GMCL1: variants seen among roughly 807,000 people sequenced by gnomAD.
GMCL1 encodes germ cell-less protein-like 1.
GMCL1 carries 54 observed loss-of-function variants against 75.5 expected under a neutral mutation model. That is an observed-to-expected ratio of 0.71 (90% CI 0.57 to 0.90). GMCL1 has a LOEUF of 0.90. GMCL1 is among the 40% of genes least tolerant of loss of function. GMCL1 has a pLI of 0.00. For missense variants in GMCL1, 537 were observed against 622.7 expected (o/e 0.86, Z 1.47); for synonymous variants, 210 against 209.6 (o/e 1.00, Z -0.02).
At chr2:69,844,276 T>C in intron 6 of GMCL1, 80 bp downstream of exon 6, 3 of 771,190 alleles carry the variant, frequency 3.9e-6, no homozygotes, top group Admixed American at 5.3e-5. Context: ...AACATTTTTG[T>C]AGAACACAAA....
chr2:69,874,698 G>T (rs965763505), intron 13 of GMCL1, among the ~76,000 whole-genome samples: 1 of 148,944 alleles, frequency 6.7e-6, no homozygotes, highest in Admixed American at 6.7e-5. Context: ...ATTTTTAACA[G>T]CTTTTATATA....
intron 13 of GMCL1, among the ~76,000 whole-genome samples, chr2:69,872,630 C>CAA (rs1676014616): frequency 6.6e-6 from 1 of 152,168 alleles, no homozygotes; most frequent in African/African-American, 2.4e-5. Flanking sequence ...CTTCTTTTAA[C>CAA]AGCATTCTTA....
chr2:69,837,525 A>G, intron 1 of GMCL1, 22 bp from the exon 2 acceptor site: 1 of 1,450,820 alleles, frequency 6.9e-7, no homozygotes. Flanking sequence ...TAAATATGTG[A>G]CTTTTTCATT....
rs183681949 is a variant in GMCL1 at position 69,842,144 on chromosome 2, A to G, written c.580-1005A>G. Among the ~76,000 whole-genome samples the G allele has an allele frequency of 1.0e-3, 159 of 152,336 alleles. 1 individual carries two copies. The East Asian group carries it at 0.02, about 19-fold the overall frequency. Reference sequence around the variant, plus strand: ...TTGTTGCATTCGTCCAAGGGAGGAAAGTAGGGTAGTAGCAATAAGCTTGGA... The same window carrying G: ...TTGTTGCATTCGTCCAAGGGAGGAAGGTAGGGTAGTAGCAATAAGCTTGGA... On this transcript the variant is annotated intron_variant, in intron 4 of 13. Coordinates refer to ENST00000282570, the MANE Select transcript of GMCL1 (RefSeq NM_178439.5).
intron 13 of GMCL1, among the ~76,000 whole-genome samples, chr2:69,875,022 G>A (rs1676088215): frequency 6.6e-6 from 1 of 152,104 alleles, no homozygotes; most frequent in Non-Finnish European, 1.5e-5. Context: ...TGGGATTACA[G>A]GCATGAGCCA....
chr2:69,868,431 C>T lies in GMCL1; in HGVS notation c.1219-1288C>T, dbSNP rs1258110496. ...AAGCCCTAACTACTTCTCTGTATCACACTACCTTATCTGATACTCTCACAT... is the reference window on the plus strand; with the variant it reads ...AAGCCCTAACTACTTCTCTGTATCATACTACCTTATCTGATACTCTCACAT... On this transcript the variant is annotated intron_variant, in intron 11 of 13. Coordinates refer to ENST00000282570, the MANE Select transcript of GMCL1 (RefSeq NM_178439.5). Among the ~76,000 whole-genome samples the T allele has an allele frequency of 2.0e-5, 3 of 152,174 alleles. No homozygotes were observed. In the East Asian group the frequency reaches 5.8e-4, roughly 29 times the overall value.
rs925620183 is a variant in GMCL1, at chr2:69,856,653, T to G, written c.1072+1693T>G. Among the ~76,000 whole-genome samples, 958 of 146,118 alleles carry G rather than the reference T, an allele frequency of 6.6e-3. 12 individuals are homozygous for G. Among genetic ancestry groups the G allele is most frequent in the African/African-American group, 0.022 (857 of 39,740 alleles). ...ATCTCTTCCCTCCTTTTTTTTTTTT[T>G]TTTTTTTTTTTTTTTAACTTCCAGA... On this transcript the variant is annotated intron_variant, in intron 9 of 13. Transcript: ENST00000282570.
chr2:69,843,373 TA>T (rs755644336), intron 5 of GMCL1, 112 bp downstream of exon 5: 23 of 581,010 alleles, frequency 4.0e-5, no homozygotes, highest in East Asian at 3.0e-4. Flanking sequence ...AAAAATAGGA[TA>T]GGGGGATGGA....
intron 6 of GMCL1, 48 bp from the exon 7 acceptor site, chr2:69,847,495 T>C: frequency 8.7e-7 from 1 of 1,144,298 alleles, no homozygotes; most frequent in Non-Finnish European, 1.3e-6. Context: ...CAGGATCCTT[T>C]AGCCTGTGCC....
At chr2:69,869,524 C>G in intron 11 of GMCL1, 195 bp from the exon 12 acceptor site, 1 of 487,964 alleles carries the variant, frequency 2.0e-6, no homozygotes, top group Non-Finnish European at 3.6e-6. Context: ...GAATTATGAT[C>G]ATTAAGGGCA....
chr2:69,859,514 T>G (rs1422713695), intron 9 of GMCL1, among the ~76,000 whole-genome samples: 1 of 151,780 alleles, frequency 6.6e-6, no homozygotes, highest in Non-Finnish European at 1.5e-5. Context: ...CCAGACATGG[T>G]GGCTCACGCC....
chr2:69,877,573 C>A (rs1379760100), intron 13 of GMCL1, among the ~76,000 whole-genome samples: 1 of 152,126 alleles, frequency 6.6e-6, no homozygotes, highest in African/African-American at 2.4e-5. Flanking sequence ...ATCTGAAGAC[C>A]AACCATGCTT....
chr2:69,832,167 C>T, intron 1 of GMCL1, among the ~76,000 whole-genome samples: 1 of 151,708 alleles, frequency 6.6e-6, no homozygotes, highest in South Asian at 2.1e-4. Context: ...TTGCAGTGAG[C>T]CAAGATCGCA....
intron 11 of GMCL1, among the ~76,000 whole-genome samples, chr2:69,865,276 G>C (rs1421153997): frequency 1.3e-5 from 2 of 152,222 alleles, no homozygotes; most frequent in African/African-American, 4.8e-5. Context: ...CTGTTACATA[G>C]TCTTAAAAGT....
intron 9 of GMCL1, among the ~76,000 whole-genome samples, chr2:69,859,696 C>T (rs953567352): frequency 9.2e-5 from 13 of 140,930 alleles, no homozygotes; most frequent in African/African-American, 2.7e-4. Context: ...ATAGGGCCAC[C>T]GGACCCCAGC....
At chr2:69,878,873 T>C (rs1332853961) in intron 13 of GMCL1, 36 bp from the exon 14 acceptor site, 5 of 1,424,748 alleles carry the variant, frequency 3.5e-6, no homozygotes, top group Admixed American at 1.7e-5. Context: ...TTTTATTTTA[T>C]CTAATTGTCA....
At chr2:69,857,570 A>G (rs1675511380) in intron 9 of GMCL1, among the ~76,000 whole-genome samples, 1 of 152,230 alleles carries the variant, frequency 6.6e-6, no homozygotes, top group South Asian at 2.1e-4. Context: ...ATGTAAATCC[A>G]TGTAATAAAC....
chr2:69,831,314 T>C (rs959287392), intron 1 of GMCL1, among the ~76,000 whole-genome samples: 23 of 152,054 alleles, frequency 1.5e-4, no homozygotes, highest in Non-Finnish European at 2.8e-4. Context: ...ACTTAATAGT[T>C]TGGTTTATAA....
chr2:69,877,927 T>C (rs1319915929), intron 13 of GMCL1, among the ~76,000 whole-genome samples: 1 of 152,196 alleles, frequency 6.6e-6, no homozygotes, highest in East Asian at 1.9e-4. Context: ...TTATCCAAAA[T>C]AAATAAAGTG....
Sources: gnomAD v4.1 joint callset for allele counts (sites outside exome capture counted in the v4.1 genomes callset) on GRCh38, gnomAD v4.1.1 for gene constraint, MANE v1.5 for transcripts, NCBI Gene and HGNC (gene_info 2026-07-23, HGNC 2026-07-21) for gene names.